The following SBSPON variants were observed in gnomAD, a reference collection of about 807,000 sequenced individuals.
SBSPON encodes somatomedin-B and thrombospondin type-1 domain-containing protein.
A neutral mutation model predicts 35.8 loss-of-function variants in SBSPON; 30 were observed. The observed-to-expected ratio is 0.84, with a 90% CI of 0.63 to 1.14. The LOEUF (loss-of-function observed/expected upper bound fraction) is 1.14, where lower values mean the gene tolerates loss of function less well. Among genes scored for constraint, SBSPON ranks in the 50% most tolerant of loss-of-function variants. SBSPON has a pLI of 0.00. For missense variants in SBSPON, 364 were observed against 357.7 expected (o/e 1.02, Z -0.14); for synonymous variants, 136 against 135.9 (o/e 1.00, Z 0.00).
chr8:73,084,773 C>G (rs1389196643), intron 1 of SBSPON, among the ~76,000 whole-genome samples: 2 of 151,516 alleles, frequency 1.3e-5, no homozygotes, highest in Non-Finnish European at 2.9e-5. Context: ...CACACACACA[C>G]ACACACACAC....
intron 1 of SBSPON, among the ~76,000 whole-genome samples, chr8:73,089,357 C>T (rs1810891106): frequency 6.6e-6 from 1 of 152,120 alleles, no homozygotes; most frequent in Non-Finnish European, 1.5e-5. Flanking sequence ...AGATTGAAAC[C>T]AGCCTGGCCA....
chr8:73,085,221 G>A (rs528404000), intron 1 of SBSPON, among the ~76,000 whole-genome samples: 1 of 152,264 alleles, frequency 6.6e-6, no homozygotes, highest in African/African-American at 2.4e-5. Flanking sequence ...ATCAGAAGGA[G>A]CATTGTTTTC....
Position 73,092,929 on chromosome 8 carries a change from A to G in SBSPON, c.139T>C (p.Tyr47His). The G allele has an allele frequency of 6.2e-7, 1 of 1,610,704 alleles. No individual in the cohort carries two copies. The highest frequency in any genetic ancestry group is 2.2e-5 in the East Asian group (1 of 44,624). The change falls in exon 1 of 5, where the codon TAC (tyrosine) becomes CAC (histidine). Residue 47 changes from tyrosine (Y) to histidine (H), a missense_variant. Transcript: ENST00000297354. ...GCTTGGTCGCAGAAACACGTCCCGTAGACCCTGTCCAGCCTCCAGCCGCGG... is the reference window on the plus strand; with the variant it reads ...GCTTGGTCGCAGAAACACGTCCCGTGGACCCTGTCCAGCCTCCAGCCGCGG... ...FARGWRLDRV[Y>H]GTCFCDQACR...
chr8:73,088,105 T>C (rs1238113550), intron 1 of SBSPON, among the ~76,000 whole-genome samples: 1 of 152,332 alleles, frequency 6.6e-6, no homozygotes, highest in East Asian at 1.9e-4. Flanking sequence ...CCTGAGATCA[T>C]TCCAGAACAG....
chr8:73,080,520 T>A (rs1810676758), intron 2 of SBSPON, among the ~76,000 whole-genome samples: 1 of 151,866 alleles, frequency 6.6e-6, no homozygotes, highest in African/African-American at 2.4e-5. Flanking sequence ...GTCTCAAAAA[T>A]AATAATAATA....
At chr8:73,070,338 T>A (rs77811892) in intron 3 of SBSPON, among the ~76,000 whole-genome samples, 2 of 152,292 alleles carry the variant, frequency 1.3e-5, no homozygotes, top group East Asian at 3.9e-4. Context: ...ATTTTGCTGA[T>A]CTAAAGGAAT....
At chr8:73,081,499 G>A (rs1810704898) in intron 1 of SBSPON, among the ~76,000 whole-genome samples, 2 of 152,152 alleles carry the variant, frequency 1.3e-5, no homozygotes, top group South Asian at 4.1e-4. Flanking sequence ...AGATGAGACG[G>A]ATGCTTTCAG....
intron 2 of SBSPON, among the ~76,000 whole-genome samples, chr8:73,077,561 C>A (rs1810616696): frequency 6.6e-6 from 1 of 152,242 alleles, no homozygotes; most frequent in Admixed American, 6.5e-5. Context: ...GTTTGTTAAT[C>A]AAGTTTGGAT....
chr8:73,067,242 G>T lies in SBSPON; in HGVS notation c.*99C>A. ...TTCAGAGTGTGGCAATGATGTGTTT[G>T]GGGACTTTGGCCAAAATTGAAGGTT... is the stretch of plus-strand genomic sequence containing the variant. On this transcript the variant is annotated 3_prime_UTR_variant, in exon 5 of 5. Coordinates refer to ENST00000297354, the MANE Select transcript of SBSPON (RefSeq NM_153225.4). The T allele has an allele frequency of 1.4e-6, 1 of 702,956 alleles. No homozygotes were observed. The highest frequency in any genetic ancestry group is 2.7e-5 in the East Asian group (1 of 36,652). 43.5% of individuals were successfully genotyped at this position (702,956 alleles called of 1,614,324 possible).
At chr8:73,074,347 T>C (rs1485316123) in intron 2 of SBSPON, among the ~76,000 whole-genome samples, 1 of 152,226 alleles carries the variant, frequency 6.6e-6, no homozygotes, top group African/African-American at 2.4e-5. Flanking sequence ...GAAAAGGTTC[T>C]ATAATAATAA....
At chr8:73,087,350 C>T (rs1013153085) in intron 1 of SBSPON, among the ~76,000 whole-genome samples, 16 of 152,112 alleles carry the variant, frequency 1.1e-4, no homozygotes, top group East Asian at 1.9e-4. Context: ...CTAACATCAG[C>T]GGGTTGAGGG....
chr8:73,075,994 C>T (rs866686733), intron 2 of SBSPON, among the ~76,000 whole-genome samples: 1 of 152,278 alleles, frequency 6.6e-6, no homozygotes, highest in African/African-American at 2.4e-5. Context: ...AAGAGAGCTT[C>T]AGGGATCATG....
intron 2 of SBSPON, among the ~76,000 whole-genome samples, chr8:73,080,459 G>A (rs1183944071): frequency 6.6e-6 from 1 of 152,282 alleles, no homozygotes; most frequent in East Asian, 1.9e-4. Flanking sequence ...AGCTTGCAGT[G>A]AGCCGAGATC....
In SBSPON at chr8:73,071,792, G is replaced by A. The variant is rs752278113; in HGVS notation, c.488C>T (p.Thr163Ile). 2.5e-6 allele frequency: 4 copies of A among 1,594,600 alleles called. No homozygotes were observed. Among genetic ancestry groups the A allele is most frequent in the Non-Finnish European group, 3.4e-6 (4 of 1,163,596 alleles). ...AACACGAAATTACCCAGCATCCTCT[G>A]TGTGTGTAGACCAGTGTGGAGACGT... ...QATSPHWSTHTEDAGYCMEFK... is the reference protein window; with the variant it reads ...QATSPHWSTHIEDAGYCMEFK... Residue 163 changes from threonine (T) to isoleucine (I), a missense_variant, in exon 3 of 5, where the codon ACA becomes ATA. Coordinates refer to ENST00000297354, the MANE Select transcript of SBSPON (RefSeq NM_153225.4).
chr8:73,076,665 AAAG>A (rs2130006827), intron 2 of SBSPON, among the ~76,000 whole-genome samples: 1 of 152,052 alleles, frequency 6.6e-6, no homozygotes, highest in South Asian at 2.1e-4. Context: ...AGAAAAAAAA[AAAG>A]ATGTGGCAAC....
Position 73,093,068 on chromosome 8 carries a change from G to C in SBSPON, c.-1C>G, listed in dbSNP as rs1227601894. ...ACAGCGCCATCCACAGGGTCCTCAT[G>C]GCCAGGGCTCCGGCGGCGCCTGCGA... is the stretch of plus-strand genomic sequence containing the variant. On this transcript the variant is annotated 5_prime_UTR_variant, in exon 1 of 5. Coordinates refer to ENST00000297354, the MANE Select transcript of SBSPON (RefSeq NM_153225.4). 3.3e-5 allele frequency: 44 copies of C among 1,337,024 alleles called. No individual in the cohort carries two copies. Among genetic ancestry groups the C allele is most frequent in the Non-Finnish European group, 4.2e-5 (44 of 1,048,050 alleles). 82.8% of individuals were successfully genotyped at this position (1,337,024 alleles called of 1,614,324 possible).
chr8:73,088,223 A>G (rs1425509004), intron 1 of SBSPON, among the ~76,000 whole-genome samples: 1 of 152,266 alleles, frequency 6.6e-6, no homozygotes, highest in African/African-American at 2.4e-5. Context: ...TCTCTTAGCC[A>G]CATAATAACA....
chr8:73,088,196 G>C (rs1404796938), intron 1 of SBSPON, among the ~76,000 whole-genome samples: 3 of 152,110 alleles, frequency 2.0e-5, no homozygotes, highest in Non-Finnish European at 4.4e-5. Flanking sequence ...CTTAGAAAAA[G>C]AAATGCCAGT....
At chr8:73,081,980 C>T (rs1305093135) in intron 1 of SBSPON, among the ~76,000 whole-genome samples, 3 of 152,136 alleles carry the variant, frequency 2.0e-5, no homozygotes, top group East Asian at 1.9e-4. Flanking sequence ...ATGATTTGGT[C>T]GGTGTGGGGC....
Sources: gnomAD v4.1 joint callset for allele counts (sites outside exome capture counted in the v4.1 genomes callset) on GRCh38, gnomAD v4.1.1 for gene constraint, MANE v1.5 for transcripts, NCBI Gene and HGNC (gene_info 2026-07-23, HGNC 2026-07-21) for gene names.